SPIRE1: variants seen among roughly 807,000 people sequenced by gnomAD.
SPIRE1 encodes spire type actin nucleation factor 1.
In SPIRE1, 40 loss-of-function variants were observed where a neutral mutation model predicts 94.1. The observed-to-expected ratio is 0.43, with a 90% CI of 0.33 to 0.55. SPIRE1 has a LOEUF of 0.55. Among genes scored for constraint, SPIRE1 ranks in the 20% least tolerant of loss-of-function variants. SPIRE1 has a pLI of 0.06. For synonymous variants in SPIRE1, 376 were observed against 371.7 expected (o/e 1.01, Z -0.13); for missense variants, 838 against 975.2 (o/e 0.86, Z 1.87).
chr18:12,651,560 G>T (rs1337989747), intron 1 of SPIRE1, among the ~76,000 whole-genome samples: 1 of 152,048 alleles, frequency 6.6e-6, no homozygotes, highest in Non-Finnish European at 1.5e-5. Flanking sequence ...TGTAGTCCCA[G>T]CTACTCAGGA....
At chr18:12,630,878 G>C (rs1241170991) in intron 2 of SPIRE1, among the ~76,000 whole-genome samples, 7 of 152,156 alleles carry the variant, frequency 4.6e-5, no homozygotes, top group Admixed American at 3.3e-4. Flanking sequence ...GGTTTACAGA[G>C]GGAATGGCAG....
At chr18:12,561,268 A>ATT (rs34495303) in intron 2 of SPIRE1, among the ~76,000 whole-genome samples, 141 of 134,888 alleles carry the variant, frequency 1.0e-3, no homozygotes, top group East Asian at 3.1e-3. Context: ...GAATAGATCA[A>ATT]TTTTTTTTTT....
chr18:12,572,587 T>C (rs2035984131), intron 2 of SPIRE1, among the ~76,000 whole-genome samples: 1 of 152,008 alleles, frequency 6.6e-6, no homozygotes, highest in African/African-American at 2.4e-5. Context: ...CCAGCCAGGG[T>C]AACAGAATGA....
chr18:12,533,932 T>C (rs1598443120), intron 4 of SPIRE1, among the ~76,000 whole-genome samples: 2 of 144,420 alleles, frequency 1.4e-5, no homozygotes, highest in Admixed American at 1.4e-4. Context: ...GCTAATCCAT[T>C]ACACACACAC....
At chr18:12,501,072 C>CAAAAAAAAAAAAAAAAAAA (rs67894900) in intron 6 of SPIRE1, among the ~76,000 whole-genome samples, 5 of 80,258 alleles carry the variant, frequency 6.2e-5, no homozygotes, top group Admixed American at 1.6e-4. Flanking sequence ...AACTCTGTCT[C>CAAAAAAAAAAAAAAAAAAA]AAAAAAAAAA....
At chr18:12,480,432 G>T (rs1445105088) in intron 9 of SPIRE1, among the ~76,000 whole-genome samples, 2 of 152,176 alleles carry the variant, frequency 1.3e-5, no homozygotes, top group African/African-American at 4.8e-5. Context: ...GACAGACAAT[G>T]AAGCAGTCTA....
intron 10 of SPIRE1, among the ~76,000 whole-genome samples, chr18:12,472,552 A>G (rs149592358): frequency 2.8e-4 from 43 of 151,916 alleles, no homozygotes; most frequent in Non-Finnish European, 5.4e-4. Context: ...TATTTTTAGT[A>G]AAAGTGGGGT....
chr18:12,531,796 T>C (rs776915075), intron 4 of SPIRE1, among the ~76,000 whole-genome samples: 3 of 152,162 alleles, frequency 2.0e-5, no homozygotes, highest in Non-Finnish European at 4.4e-5. Context: ...TGGACCACAA[T>C]AGATTAAAGG....
chr18:12,453,250 G>A (rs2143508369), intron 13 of SPIRE1, 112 bp from the exon 14 acceptor site: 1 of 620,482 alleles, frequency 1.6e-6, no homozygotes, highest in East Asian at 2.9e-5. Flanking sequence ...ACAGACAAGA[G>A]GAGGAAGACA....
chr18:12,565,820 G>A (rs2035803933), intron 2 of SPIRE1, among the ~76,000 whole-genome samples: 1 of 151,926 alleles, frequency 6.6e-6, no homozygotes, highest in Non-Finnish European at 1.5e-5. Flanking sequence ...CAGATCATGA[G>A]GTCAGAAGTA....
At chr18:12,462,770 A>G (rs151128363) in intron 12 of SPIRE1, among the ~76,000 whole-genome samples, 3 of 152,148 alleles carry the variant, frequency 2.0e-5, no homozygotes, top group African/African-American at 7.2e-5. Context: ...CAATTTTTAA[A>G]TGGATTAATA....
chr18:12,576,587 A>G (rs2036107008), intron 2 of SPIRE1, among the ~76,000 whole-genome samples: 1 of 147,346 alleles, frequency 6.8e-6, no homozygotes, highest in Non-Finnish European at 1.5e-5. Context: ...ATCTCAAAAA[A>G]AAAAAAAAAA....
At chr18:12,460,688 C>T (rs562476370) in intron 12 of SPIRE1, among the ~76,000 whole-genome samples, 50 of 148,976 alleles carry the variant, frequency 3.4e-4, no homozygotes, top group African/African-American at 1.2e-3. Flanking sequence ...CTCCAGCCTG[C>T]GCAACAAGAG....
rs538297324 is a variant in SPIRE1, at chr18:12,638,025, A to G, written c.338-2929T>C. Among the ~76,000 whole-genome samples, 17 of 152,350 alleles carry G rather than the reference A, an allele frequency of 1.1e-4. No individual in the cohort carries two copies. In the South Asian group the frequency reaches 3.3e-3, roughly 30 times the overall value. Reference sequence around the variant, plus strand: ...GCTGTAAGTACAAAGTATTTGACCAACTACACAGGTCTGCCATCCAAATTC... The same window carrying G: ...GCTGTAAGTACAAAGTATTTGACCAGCTACACAGGTCTGCCATCCAAATTC... On this transcript the variant is annotated intron_variant, in intron 1 of 16. Coordinates refer to ENST00000409402, the MANE Select transcript of SPIRE1 (RefSeq NM_001128626.2).
rs186566756 is a variant in SPIRE1 at position 12,485,136 on chromosome 18, G to C, written c.1231+823C>G. Among the ~76,000 whole-genome samples the C allele has an allele frequency of 1.3e-4, 18 of 133,640 alleles. 1 individual carries two copies. The South Asian group carries it at 4.2e-3, about 31-fold the overall frequency. 87.7% of individuals were successfully genotyped at this position (133,640 alleles called of 152,430 possible). On this transcript the variant is annotated intron_variant, in intron 9 of 16. Coordinates refer to ENST00000409402, the MANE Select transcript of SPIRE1 (RefSeq NM_001128626.2). ...TTTTTTTTTTTTGAGACTGAGTCTCGCTCTGTTGCCCAGGCTGATGTTCAG... is the reference window on the plus strand; with the variant it reads ...TTTTTTTTTTTTGAGACTGAGTCTCCCTCTGTTGCCCAGGCTGATGTTCAG...
chr18:12,647,939 T>C (rs908000896), intron 1 of SPIRE1, among the ~76,000 whole-genome samples: 1 of 152,078 alleles, frequency 6.6e-6, no homozygotes, highest in Non-Finnish European at 1.5e-5. Context: ...AGCAAGGACG[T>C]GCTCCACCAG....
intron 1 of SPIRE1, among the ~76,000 whole-genome samples, chr18:12,655,576 G>A (rs1276003906): frequency 1.3e-5 from 2 of 152,146 alleles, no homozygotes. Flanking sequence ...ATTGCGAATT[G>A]TGGAGAACAA....
chr18:12,529,806 A>G (rs770638679), intron 4 of SPIRE1, among the ~76,000 whole-genome samples: 18 of 152,206 alleles, frequency 1.2e-4, no homozygotes, highest in Non-Finnish European at 5.9e-5. Context: ...AGAGATTAGG[A>G]CATTAAAAAC....
At chr18:12,557,773 A>G (rs954727481) in intron 2 of SPIRE1, among the ~76,000 whole-genome samples, 1 of 151,954 alleles carries the variant, frequency 6.6e-6, no homozygotes, top group Admixed American at 6.6e-5. Flanking sequence ...ATATTACACT[A>G]CAAAGCTACA....
Sources: gnomAD v4.1 joint callset for allele counts (sites outside exome capture counted in the v4.1 genomes callset) on GRCh38, gnomAD v4.1.1 for gene constraint, MANE v1.5 for transcripts, NCBI Gene and HGNC (gene_info 2026-07-23, HGNC 2026-07-21) for gene names.